HYCC1: variants seen among roughly 807,000 people sequenced by gnomAD.
HYCC1 encodes hyccin PI4KA lipid kinase complex subunit 1.
chr7:22,951,715 AT>A, the HYCC1 span, among the ~76,000 whole-genome samples: 1 of 151,938 alleles, frequency 6.6e-6, no homozygotes, highest in Non-Finnish European at 1.5e-5. Context: ...TTCTTAACAT[AT>A]TAGAAGAATG....
chr7:23,013,115 G>T, the HYCC1 span, among the ~76,000 whole-genome samples: 1 of 152,220 alleles, frequency 6.6e-6, no homozygotes, highest in Non-Finnish European at 1.5e-5. Context: ...AAGCACACAT[G>T]TGCAAGCTGA....
chr7:22,967,616 A>C, the HYCC1 span, among the ~76,000 whole-genome samples: 1 of 152,210 alleles, frequency 6.6e-6, no homozygotes, highest in South Asian at 2.1e-4. Flanking sequence ...CACTCTGGCT[A>C]TATTGGAAGA....
At chr7:22,951,402 T>C in the HYCC1 span, among the ~76,000 whole-genome samples, 1 of 151,884 alleles carries the variant, frequency 6.6e-6, no homozygotes, top group African/African-American at 2.4e-5. Context: ...GCTTACAAAC[T>C]TATTTGTGAA....
the HYCC1 span, chr7:22,976,317 C>G: frequency 6.3e-7 from 1 of 1,578,644 alleles, no homozygotes; most frequent in Non-Finnish European, 8.7e-7. Context: ...TAAAGACAAA[C>G]AAAAAGAATA....
the HYCC1 span, among the ~76,000 whole-genome samples, chr7:22,921,862 A>G: frequency 6.6e-6 from 1 of 152,214 alleles, no homozygotes; most frequent in East Asian, 1.9e-4. Flanking sequence ...AAGTAGATCC[A>G]TACAGTTCAA....
the HYCC1 span, among the ~76,000 whole-genome samples, chr7:22,955,139 G>A: frequency 6.6e-5 from 10 of 151,420 alleles, no homozygotes; most frequent in Admixed American, 4.6e-4. Flanking sequence ...ATTATATAAC[G>A]TGTATTTTTG....
chr7:22,947,275 G>A, the HYCC1 span: 3 of 1,531,692 alleles, frequency 2.0e-6, no homozygotes, highest in East Asian at 2.5e-5. Flanking sequence ...AAGACAAAAT[G>A]ATGGATGAAA....
chr7:22,991,202 G>A, the HYCC1 span: 1 of 1,063,832 alleles, frequency 9.4e-7, no homozygotes, highest in Non-Finnish European at 1.4e-6. Context: ...AGATTACTAT[G>A]AACAGAGATA....
chr7:22,991,813 TG>T, the HYCC1 span, among the ~76,000 whole-genome samples: 1 of 152,120 alleles, frequency 6.6e-6, no homozygotes, highest in Non-Finnish European at 1.5e-5. Context: ...GGAGTAGACT[TG>T]GAAACTATTT....
chr7:22,938,694 T>C, the HYCC1 span: 4 of 152,138 alleles, frequency 2.6e-5, no homozygotes, highest in African/African-American at 7.2e-5. Flanking sequence ...AAATACAAGA[T>C]CTCTTCAAGA....
chr7:22,935,538 T>C, the HYCC1 span: 2 of 152,204 alleles, frequency 1.3e-5, no homozygotes, highest in Admixed American at 1.3e-4. Flanking sequence ...GTTTTTGTCC[T>C]CCTAATATCC....
At chr7:22,976,081 G>T in the HYCC1 span, 1 of 685,604 alleles carries the variant, frequency 1.5e-6, no homozygotes, top group Non-Finnish European at 2.6e-6. Context: ...GGTAGGCTGA[G>T]CTTTACATTA....
chr7:23,014,070 C>T, the HYCC1 span: 1 of 470,754 alleles, frequency 2.1e-6, no homozygotes, highest in Non-Finnish European at 4.4e-6. Context: ...GAGCCATCTT[C>T]CCCCTCCTCT....
chr7:22,955,984 A>C, the HYCC1 span, among the ~76,000 whole-genome samples: 1 of 151,722 alleles, frequency 6.6e-6, no homozygotes, highest in Non-Finnish European at 1.5e-5. Flanking sequence ...TTAATGATTA[A>C]CTTGAAAAAT....
At chr7:22,920,841 G>C in the HYCC1 span, among the ~76,000 whole-genome samples, 3 of 152,144 alleles carry the variant, frequency 2.0e-5, no homozygotes, top group African/African-American at 4.8e-5. Context: ...TAGATCATGA[G>C]GGTGGATCCC....
At chr7:22,998,676 G>A in the HYCC1 span, among the ~76,000 whole-genome samples, 2 of 151,930 alleles carry the variant, frequency 1.3e-5, no homozygotes, top group African/African-American at 2.4e-5. Flanking sequence ...CCACAGCAAC[G>A]CCCTGAGTCT....
chr7:22,978,406 T>A, the HYCC1 span: 6 of 1,613,896 alleles, frequency 3.7e-6, no homozygotes, highest in Non-Finnish European at 5.1e-6. Context: ...TCCTCTCCAC[T>A]GCGATAGAAT....
the HYCC1 span, among the ~76,000 whole-genome samples, chr7:22,993,685 AACAC>A: frequency 2.1e-4 from 31 of 149,074 alleles, 1 homozygote; most frequent in South Asian, 4.9e-3. Flanking sequence ...ACACCATACA[AACAC>A]ACACACACAC....
chr7:22,904,451 A>G, the HYCC1 span, among the ~76,000 whole-genome samples: 1 of 151,198 alleles, frequency 6.6e-6, no homozygotes, highest in Non-Finnish European at 1.5e-5. Flanking sequence ...AAAAAGTAAT[A>G]ATAATAATAA....
Sources: gnomAD v4.1 joint callset for allele counts (sites outside exome capture counted in the v4.1 genomes callset) on GRCh38, gnomAD v4.1.1 for gene constraint, MANE v1.5 for transcripts, NCBI Gene and HGNC (gene_info 2026-07-23, HGNC 2026-07-21) for gene names.